MSH4: variants seen among roughly 807,000 people sequenced by gnomAD.
MSH4 encodes the protein mutS protein homolog 4.
A neutral mutation model predicts 113.7 loss-of-function variants in MSH4; 106 were observed. That is an observed-to-expected ratio of 0.93 (90% confidence interval 0.80 to 1.10). MSH4 has a LOEUF of 1.10. Ranked by LOEUF, MSH4 falls within the 50% of genes least tolerant of loss-of-function variation. The pLI is 0.00. For synonymous variants in MSH4, 368 were observed against 380.2 expected (o/e 0.97, Z 0.37); for missense variants, 1,061 against 1,093.7 (o/e 0.97, Z 0.42).
intron 9 of MSH4, among the ~76,000 whole-genome samples, 182 bp downstream of exon 9, chr1:75,867,770 T>C (rs1486971161): frequency 1.3e-5 from 2 of 152,056 alleles, no homozygotes; most frequent in South Asian, 2.1e-4. Context: ...TACTGAACCA[T>C]TTAAGAATAA....
At chr1:75,822,363 TG>T in intron 6 of MSH4, 45 bp from the exon 7 acceptor site, 1 of 1,217,504 alleles carries the variant, frequency 8.2e-7, no homozygotes, top group Non-Finnish European at 1.2e-6. Context: ...GAAATTTTCT[TG>T]CGTTTTTCTT....
Position 75,883,796 on chromosome 1 carries a change from T to A in MSH4, c.2082T>A (p.Ala694=). The change falls in exon 15 of 20, where the codon GCT becomes GCA. Residue 694 remains alanine, a synonymous_variant. Coordinates refer to ENST00000263187, the MANE Select transcript of MSH4 (RefSeq NM_002440.4). The part of the protein sequence containing the change: ...SGKSTYLKQI[A]LCQIMAQIGS... ...AATCCACATATTTAAAACAGATTGCTCTTTGTCAGATTATGGCCCAGATTG... is the reference window on the plus strand; with the variant it reads ...AATCCACATATTTAAAACAGATTGCACTTTGTCAGATTATGGCCCAGATTG... 1 of 1,612,768 alleles carries A rather than the reference T, an allele frequency of 6.2e-7. No homozygotes were observed. Among genetic ancestry groups the A allele is most frequent in the Non-Finnish European group, 8.5e-7 (1 of 1,179,380 alleles).
At chr1:75,840,064 G>A (rs531075044) in intron 7 of MSH4, among the ~76,000 whole-genome samples, 3 of 152,128 alleles carry the variant, frequency 2.0e-5, no homozygotes, top group Non-Finnish European at 4.4e-5. Context: ...CTTTTACACT[G>A]TTGGTGGGAC....
intron 15 of MSH4, among the ~76,000 whole-genome samples, chr1:75,888,609 C>CT (rs11393002): frequency 0.9 from 136,006 of 151,492 alleles, 62,066 homozygotes; most frequent in East Asian, 1. Context: ...TTTCATATTT[C>CT]TTTTTTTAAT....
intron 19 of MSH4, among the ~76,000 whole-genome samples, chr1:75,910,968 A>G (rs1016037578): frequency 3.3e-5 from 5 of 152,054 alleles, no homozygotes; most frequent in Non-Finnish European, 7.4e-5. Context: ...TTTATTATGT[A>G]GTTTGCCTAC....
intron 7 of MSH4, among the ~76,000 whole-genome samples, chr1:75,827,120 A>G (rs1432195963): frequency 1.3e-5 from 2 of 152,210 alleles, no homozygotes. Flanking sequence ...AGGGAAGCCC[A>G]TGAGACTAAC....
At chr1:75,879,679 A>G (rs1651889613) in intron 12 of MSH4, among the ~76,000 whole-genome samples, 1 of 152,150 alleles carries the variant, frequency 6.6e-6, no homozygotes, top group Admixed American at 6.6e-5. Flanking sequence ...GTTGAGGTTC[A>G]GATATAGGAC....
At chr1:75,854,453 T>C (rs1651272256) in intron 8 of MSH4, among the ~76,000 whole-genome samples, 1 of 152,110 alleles carries the variant, frequency 6.6e-6, no homozygotes, top group Admixed American at 6.5e-5. Context: ...ATCCAAAACC[T>C]GTGTCAGGGT....
At chr1:75,829,573 C>A (rs2100528386) in intron 7 of MSH4, among the ~76,000 whole-genome samples, 1 of 152,276 alleles carries the variant, frequency 6.6e-6, no homozygotes, top group Middle Eastern at 3.4e-3. Context: ...GCTGGATGCC[C>A]CTCTGAGACA....
At chr1:75,809,502 C>G (rs1221167802) in intron 3 of MSH4, among the ~76,000 whole-genome samples, 2 of 151,950 alleles carry the variant, frequency 1.3e-5, no homozygotes, top group Non-Finnish European at 2.9e-5. Flanking sequence ...TGGAATAGTT[C>G]TAAGAAATAC....
rs906934545 is a variant in MSH4 at position 75,810,784 on chromosome 1, A to G, written c.676A>G (p.Thr226Ala). ...CAVGNSTKLFTLITENFKNVN... is the reference protein window; with the variant it reads ...CAVGNSTKLFALITENFKNVN... The stretch of plus-strand genomic sequence containing the variant: ...TGTGGGGAATTCCACCAAGTTGTTC[A>G]CTCTGATCACAGAAAATTTCAAGGT... The change falls in exon 4 of 20, where the codon ACT becomes GCT. Residue 226 changes from threonine to alanine, a missense_variant. Transcript: ENST00000263187. 1 of 1,575,920 alleles carries G rather than the reference A, an allele frequency of 6.3e-7. No individual in the cohort carries two copies. The highest frequency in any genetic ancestry group is 1.4e-5 in the African/African-American group (1 of 73,086).
At chr1:75,908,999 C>T (rs1300421291) in intron 19 of MSH4, among the ~76,000 whole-genome samples, 1 of 152,192 alleles carries the variant, frequency 6.6e-6, no homozygotes, top group African/African-American at 2.4e-5. Flanking sequence ...TTTGGTGTCT[C>T]CTTCGACTGA....
chr1:75,862,189 C>T (rs892263834), intron 8 of MSH4, among the ~76,000 whole-genome samples: 1 of 152,172 alleles, frequency 6.6e-6, no homozygotes, highest in African/African-American at 2.4e-5. Flanking sequence ...TACAGTCACT[C>T]ACAACTTCCC....
chr1:75,885,059 G>GTGTGTGTGTGTGTGTGTGTGTATA (rs1300289205), intron 15 of MSH4, among the ~76,000 whole-genome samples: 1 of 112,562 alleles, frequency 8.9e-6, no homozygotes, highest in Non-Finnish European at 1.7e-5. Flanking sequence ...GTGTGTGTGT[G>GTGTGTGTGTGTGTGTGTGTGTATA]TATATATATA....
chr1:75,910,831 T>A (rs1190938188), intron 19 of MSH4, among the ~76,000 whole-genome samples: 1 of 152,162 alleles, frequency 6.6e-6, no homozygotes, highest in African/African-American at 2.4e-5. Context: ...AGTCTCCCAG[T>A]GACTCACCAA....
intron 19 of MSH4, among the ~76,000 whole-genome samples, chr1:75,902,396 A>C (rs1188042509): frequency 1.3e-5 from 2 of 151,220 alleles, no homozygotes; most frequent in Non-Finnish European, 3.0e-5. Context: ...AGTTATTTCC[A>C]TCTTTATGTC....
At chr1:75,803,072 C>T (rs909791794) in intron 1 of MSH4, among the ~76,000 whole-genome samples, 3 of 152,152 alleles carry the variant, frequency 2.0e-5, no homozygotes, top group Admixed American at 6.5e-5. Context: ...GGCCCCACCT[C>T]TGTCCTGCCA....
intron 19 of MSH4, among the ~76,000 whole-genome samples, chr1:75,901,888 T>C (rs1468209042): frequency 6.6e-6 from 1 of 152,174 alleles, no homozygotes; most frequent in Non-Finnish European, 1.5e-5. Context: ...GGTTTTGATA[T>C]ATATTTCCTT....
rs5745310 is a variant in MSH4, at chr1:75,796,890, C to T, written c.-96C>T. ...CAGCTTAGTGCGTCGGCGCGCAGTT[C>T]TCCCGCCCGTTTCAGCGGCGCAGCT... On this transcript the variant is annotated 5_prime_UTR_variant, in exon 1 of 20. Transcript: ENST00000263187. The T allele has an allele frequency of 1.7e-3, 2,711 of 1,556,568 alleles. 49 individuals carry two copies. The African/African-American group carries it at 0.032, about 18-fold the overall frequency.
Sources: allele counts gnomAD v4.1 joint callset (sites outside exome capture counted in the v4.1 genomes callset), GRCh38; gene constraint gnomAD v4.1.1; transcripts MANE v1.5; gene names NCBI Gene and HGNC (gene_info 2026-07-23, HGNC 2026-07-21).